Variants in TLK1 observed in about 807,000 individuals in gnomAD.
TLK1 encodes serine/threonine-protein kinase tousled-like 1.
A neutral mutation model predicts 105.3 loss-of-function variants in TLK1; 24 were observed. The ratio of observed to expected loss-of-function variants is 0.23; its 90% CI spans 0.17 to 0.32. The LOEUF (loss-of-function observed/expected upper bound fraction) is 0.32, where lower values mean the gene tolerates loss of function less well. TLK1 is among the 10% of genes least tolerant of loss of function. TLK1 has a pLI of 1.00. For synonymous variants in TLK1, 321 were observed against 310.4 expected (o/e 1.03, Z -0.36); for missense variants, 558 against 910.5 (o/e 0.61, Z 4.98).
chr2:171,201,765 C>G (rs1693401676), intron 1 of TLK1, among the ~76,000 whole-genome samples: 1 of 152,210 alleles, frequency 6.6e-6, no homozygotes, highest in Non-Finnish European at 1.5e-5. Flanking sequence ...AGTCATATCT[C>G]TTCACGCACG....
chr2:171,130,306 G>A (rs1362865850), intron 1 of TLK1, among the ~76,000 whole-genome samples: 4 of 152,196 alleles, frequency 2.6e-5, no homozygotes, highest in Non-Finnish European at 4.4e-5. Context: ...GGAGGCTGAA[G>A]CAGGAGAATT....
chr2:171,133,997 G>GT (rs958919818), intron 1 of TLK1, among the ~76,000 whole-genome samples: 40 of 151,464 alleles, frequency 2.6e-4, no homozygotes, highest in Admixed American at 7.9e-4. Context: ...ATACCTGGCT[G>GT]TTTTTTTTAA....
At chr2:171,066,077 G>A (rs1687980724) in intron 3 of TLK1, among the ~76,000 whole-genome samples, 1 of 152,140 alleles carries the variant, frequency 6.6e-6, no homozygotes, top group East Asian at 1.9e-4. Context: ...GGATGATTTT[G>A]AGCTGGTATG....
chr2:171,191,499 C>A (rs549578549), intron 1 of TLK1, among the ~76,000 whole-genome samples: 1 of 152,034 alleles, frequency 6.6e-6, no homozygotes. Flanking sequence ...GGATTGGTTG[C>A]GCCCAGGAGT....
chr2:171,193,700 ATTTTTT>A (rs35175399), intron 1 of TLK1, among the ~76,000 whole-genome samples: 29 of 64,628 alleles, frequency 4.5e-4, no homozygotes, highest in African/African-American at 1.1e-3. Context: ...AGCGCCTGGC[ATTTTTT>A]TTTTTTTTTT....
In TLK1 at chr2:171,101,346, C is replaced by CAAAAA. The variant is rs71401403; in HGVS notation, c.258+16388_258+16392dup. Among the ~76,000 whole-genome samples, 11 of 63,492 alleles carry CAAAAA rather than the reference C, an allele frequency of 1.7e-4. 2 individuals are homozygous for CAAAAA. Among genetic ancestry groups the CAAAAA allele is most frequent in the African/African-American group, 2.2e-4 (3 of 13,844 alleles). The allele number at this position is 63,492 out of a possible 152,430, so 41.7% of individuals were successfully genotyped here. A position where few individuals can be genotyped will look rare whatever the true frequency, so the allele number is the denominator to read the frequency against. On this transcript the variant is annotated intron_variant, in intron 2 of 20. Coordinates refer to ENST00000431350, the MANE Select transcript of TLK1 (RefSeq NM_012290.5). ...GGACAACAAGAGTGAAACTCCGTCT[C>CAAAAA]AAAAAAAAAAAAAAAAAAAGCCAGG...
chr2:171,021,378 C>T (rs770090058), intron 12 of TLK1, among the ~76,000 whole-genome samples: 1 of 151,476 alleles, frequency 6.6e-6, no homozygotes, highest in Admixed American at 6.6e-5. Context: ...GCAATGCCTT[C>T]GTGTAGTGTA....
intron 18 of TLK1, among the ~76,000 whole-genome samples, chr2:171,003,126 T>C (rs1684467730): frequency 6.6e-6 from 1 of 151,476 alleles, no homozygotes; most frequent in African/African-American, 2.4e-5. Context: ...TACAAAAAAT[T>C]GGCCAGGTGT....
At chr2:171,196,348 C>T (rs553857829) in intron 1 of TLK1, among the ~76,000 whole-genome samples, 4 of 152,174 alleles carry the variant, frequency 2.6e-5, no homozygotes, top group African/African-American at 4.8e-5. Context: ...AACTCCTGAC[C>T]TCAGGTGATC....
chr2:171,025,639 A>T (rs536359913), intron 12 of TLK1, among the ~76,000 whole-genome samples: 31 of 152,336 alleles, frequency 2.0e-4, no homozygotes, highest in Admixed American at 1.6e-3. Context: ...ACCCAGGAGC[A>T]TAGGGAGCTG....
At position 171,006,469 on chromosome 2, in the gene TLK1, A is replaced by G; in HGVS notation, c.1768+5T>C. ...TAAAAAAAATTAGACAAATTTCATA[A>G]TTACCTGGCTTAAGATCATAATGTA... On this transcript the variant is annotated splice_donor_5th_base_variant and intron_variant, in intron 17 of 20. Transcript: ENST00000431350. 6.4e-7 allele frequency: 1 copy of G among 1,561,206 alleles called. No homozygotes were observed. The highest frequency in any genetic ancestry group is 8.6e-7 in the Non-Finnish European group (1 of 1,158,786).
At chr2:171,155,549 A>G (rs1692199661) in intron 1 of TLK1, 1 of 152,180 alleles carries the variant, frequency 6.6e-6, no homozygotes, top group African/African-American at 2.4e-5. Flanking sequence ...AGTATAGTTT[A>G]ACTATATTTA....
chr2:171,062,594 G>A (rs1016527410), intron 3 of TLK1, among the ~76,000 whole-genome samples: 8 of 152,002 alleles, frequency 5.3e-5, no homozygotes, highest in Non-Finnish European at 1.0e-4. Context: ...CCCACCCCTA[G>A]CATACAGTTA....
At chr2:171,031,670 A>C (rs1686053592) in intron 11 of TLK1, among the ~76,000 whole-genome samples, 1 of 152,226 alleles carries the variant, frequency 6.6e-6, no homozygotes, top group Non-Finnish European at 1.5e-5. Flanking sequence ...TTTAAACCCC[A>C]AACATAAGAC....
chr2:171,042,146 A>G (rs893213061), intron 11 of TLK1, among the ~76,000 whole-genome samples: 1 of 152,264 alleles, frequency 6.6e-6, no homozygotes, highest in African/African-American at 2.4e-5. Flanking sequence ...GACTATAATT[A>G]AAGCTGTTAG....
chr2:171,047,632 T>C (rs1238891601), intron 10 of TLK1, among the ~76,000 whole-genome samples: 4 of 152,134 alleles, frequency 2.6e-5, no homozygotes, highest in Non-Finnish European at 5.9e-5. Context: ...CAGGAATAAA[T>C]TTCAATTTTT....
At chr2:171,213,474 A>G (rs917747049) in intron 1 of TLK1, among the ~76,000 whole-genome samples, 6 of 151,814 alleles carry the variant, frequency 4.0e-5, no homozygotes, top group Admixed American at 3.3e-4. Context: ...AAGTGCCAGG[A>G]TTACAGCTAT....
intron 1 of TLK1, among the ~76,000 whole-genome samples, chr2:171,185,129 G>A (rs753959188): frequency 3.3e-5 from 5 of 152,154 alleles, no homozygotes; most frequent in Middle Eastern, 6.8e-3. Context: ...GTGAGCCACC[G>A]AGCCCGGCCT....
At chr2:171,146,641 T>A (rs1183400821) in intron 1 of TLK1, among the ~76,000 whole-genome samples, 1 of 152,144 alleles carries the variant, frequency 6.6e-6, no homozygotes, top group Non-Finnish European at 1.5e-5. Flanking sequence ...GATAAAAATA[T>A]TAAGTTCAAT....
Sources: allele counts gnomAD v4.1 joint callset (sites outside exome capture counted in the v4.1 genomes callset), GRCh38; gene constraint gnomAD v4.1.1; transcripts MANE v1.5; gene names NCBI Gene and HGNC (gene_info 2026-07-23, HGNC 2026-07-21).